Variants in PRDM2 observed in about 807,000 individuals in gnomAD.
PRDM2 encodes the protein PR domain zinc finger protein 2.
In PRDM2, 30 loss-of-function variants were observed where a neutral mutation model predicts 130.0. The ratio of observed to expected loss-of-function variants is 0.23; its 90% CI spans 0.17 to 0.31. The LOEUF is 0.31. Among genes scored for constraint, PRDM2 ranks in the 10% least tolerant of loss-of-function variants. The pLI is 1.00. For synonymous variants in PRDM2, 871 were observed against 782.4 expected, an observed-to-expected ratio of 1.11 and a Z score of -1.89; for missense variants, 2,011 against 2,108.4, an observed-to-expected ratio of 0.95 and a Z score of 0.90.
chr1:13,742,772 C>G (rs1344837775), intron 5 of PRDM2, among the ~76,000 whole-genome samples: 1 of 152,156 alleles, frequency 6.6e-6, no homozygotes, highest in Non-Finnish European at 1.5e-5. Flanking sequence ...GCAGATTTAT[C>G]CTACTGTAAG....
rs1406955906 is a variant in PRDM2, at chr1:13,806,982, C to T, written c.5037-9445C>T. Among the ~76,000 whole-genome samples the T allele has an allele frequency of 6.6e-6, 1 of 152,188 alleles. No homozygotes were observed. Among genetic ancestry groups the T allele is most frequent in the African/African-American group, 2.4e-5 (1 of 41,422 alleles). The stretch of plus-strand genomic sequence containing the variant: ...GGTCGTAGCCCACACACTGCCGTTT[C>T]CCATGTCACCTTTCCCTGTCTTCTC... On this transcript the variant is annotated intron_variant, in intron 8 of 9. Transcript: ENST00000311066. This position sits in a 1 kb window ranked among gnomAD's most constrained non-coding sequence, Gnocchi z 4.1.
chr1:13,805,524 G>A (rs1645073685), intron 8 of PRDM2, among the ~76,000 whole-genome samples: 1 of 151,984 alleles, frequency 6.6e-6, no homozygotes, highest in South Asian at 2.1e-4. Flanking sequence ...AGGGCCGATG[G>A]CTCCCACAGC....
chr1:13,722,245 G>C (rs1184302709), intron 2 of PRDM2, among the ~76,000 whole-genome samples: 1 of 152,148 alleles, frequency 6.6e-6, no homozygotes, highest in Admixed American at 6.5e-5. Flanking sequence ...AAAAGCCAGC[G>C]GTCGTTGCGA....
intron 6 of PRDM2, among the ~76,000 whole-genome samples, chr1:13,759,857 A>G (rs1644054220): frequency 6.6e-6 from 1 of 152,178 alleles, no homozygotes; most frequent in Non-Finnish European, 1.5e-5. Flanking sequence ...AAAAGTATCA[A>G]TAATAATAAT....
chr1:13,748,607 C>G (rs796731041), intron 5 of PRDM2, among the ~76,000 whole-genome samples: 32 of 152,302 alleles, frequency 2.1e-4, no homozygotes, highest in African/African-American at 7.7e-4. Context: ...GAACTTTGCA[C>G]TCAGTGGATC....
intron 2 of PRDM2, among the ~76,000 whole-genome samples, chr1:13,722,667 G>C (rs1288485592): frequency 6.6e-6 from 1 of 152,070 alleles, no homozygotes; most frequent in African/African-American, 2.4e-5. Context: ...TCCTTCTCCT[G>C]CTTACCAATC....
chr1:13,786,659 T>C lies in PRDM2; in HGVS notation c.5036+3828T>C, dbSNP rs571973606. On this transcript the variant is annotated intron_variant, in intron 8 of 9. Transcript: ENST00000311066. The stretch of plus-strand genomic sequence containing the variant: ...CCAGTTGAAGCTGACTCAAAAATCC[T>C]AACATTCAGCTGATTGCCGGCAGGC... 38 of 1,541,550 alleles carry C rather than the reference T, an allele frequency of 2.5e-5. No homozygotes were observed. The South Asian group carries it at 4.6e-4, about 19-fold the overall frequency.
At chr1:13,791,169 A>G (rs1644833100) in intron 8 of PRDM2, among the ~76,000 whole-genome samples, 1 of 151,978 alleles carries the variant, frequency 6.6e-6, no homozygotes, top group Admixed American at 6.6e-5. Flanking sequence ...AGGACGCAGT[A>G]CCTTCTCCAT....
chr1:13,718,470 C>T (rs953254338), intron 2 of PRDM2, among the ~76,000 whole-genome samples: 5 of 152,150 alleles, frequency 3.3e-5, no homozygotes, highest in African/African-American at 4.8e-5. Flanking sequence ...ACTATTGAGG[C>T]GGCATTCTGG....
intron 5 of PRDM2, among the ~76,000 whole-genome samples, chr1:13,748,332 G>T (rs1050436022): frequency 1.3e-5 from 2 of 152,140 alleles, no homozygotes; most frequent in Non-Finnish European, 2.9e-5. Flanking sequence ...TTACTGTGAT[G>T]ATTGCCAAAT....
rs1295117827 is a variant in PRDM2, at chr1:13,803,825, A to G, written c.5037-12602A>G. ...TGGGTATTTAGAGTTCAACCCAAAC[A>G]GGTTTGGGGAATTCATGGCCTCTGA... On this transcript the variant is annotated intron_variant, in intron 8 of 9. Transcript: ENST00000311066. The surrounding 1 kb of genome is among the most constrained non-coding windows in gnomAD (Gnocchi z 6.2). 1.3e-5 allele frequency among the ~76,000 whole-genome samples: 2 copies of G among 152,096 alleles called. No individual in the cohort carries two copies. Among genetic ancestry groups the G allele is most frequent in the African/African-American group, 4.8e-5 (2 of 41,420 alleles).
chr1:13,729,626 T>C (rs955768649), intron 2 of PRDM2, among the ~76,000 whole-genome samples: 1 of 152,232 alleles, frequency 6.6e-6, no homozygotes, highest in Non-Finnish European at 1.5e-5. Flanking sequence ...ATTCACACTT[T>C]AGCTAATTAA....
At chr1:13,706,780 A>T (rs540069201) in intron 1 of PRDM2, among the ~76,000 whole-genome samples, 1 of 151,572 alleles carries the variant, frequency 6.6e-6, no homozygotes, top group Non-Finnish European at 1.5e-5. Flanking sequence ...GGAAATATAC[A>T]TTTTTTTTCC....
chr1:13,743,440 A>G (rs952216892), intron 5 of PRDM2, among the ~76,000 whole-genome samples: 6 of 149,386 alleles, frequency 4.0e-5, no homozygotes, highest in Non-Finnish European at 8.9e-5. Flanking sequence ...AGATCCTCAC[A>G]TTATACATGG....
intron 7 of PRDM2, among the ~76,000 whole-genome samples, chr1:13,773,943 A>G (rs1282393805): frequency 6.6e-6 from 1 of 152,244 alleles, no homozygotes; most frequent in Non-Finnish European, 1.5e-5. Flanking sequence ...TGTACGTTTT[A>G]TACTTCAAAT....
chr1:13,751,331 A>G (rs1467661594), intron 6 of PRDM2, among the ~76,000 whole-genome samples: 1 of 152,144 alleles, frequency 6.6e-6, no homozygotes, highest in Non-Finnish European at 1.5e-5. Context: ...TAATTAATTA[A>G]AAGACTTATG....
At position 13,782,655 on chromosome 1, in the gene PRDM2, T is replaced by A. The variant is rs1251474265; in HGVS notation, c.4860T>A (p.Ala1620=). ...ACGTGAGGGTACAGAAAAGCAAAGC[T>A]GTTTTACAAAGCAAATCCACCTTGG... The part of the protein sequence containing the change: ...SLHVRVQKSK[A]VLQSKSTLAS... The change falls in exon 8 of 10, where the codon GCT becomes GCA. Residue 1620 remains alanine (A), a synonymous_variant. Transcript: ENST00000311066. 1 of 1,614,020 alleles carries A rather than the reference T, an allele frequency of 6.2e-7. No individual in the cohort carries two copies. The highest frequency in any genetic ancestry group is 1.3e-5 in the African/African-American group (1 of 74,924).
chr1:13,759,238 G>A (rs1204675617), intron 6 of PRDM2, among the ~76,000 whole-genome samples: 3 of 151,244 alleles, frequency 2.0e-5, no homozygotes, highest in Non-Finnish European at 2.9e-5. Flanking sequence ...CTACCTCTTG[G>A]GGCAGTCTTT....
chr1:13,817,545 C>T (rs988760937), intron 9 of PRDM2, among the ~76,000 whole-genome samples: 4 of 151,312 alleles, frequency 2.6e-5, no homozygotes, highest in Non-Finnish European at 1.5e-5. Context: ...GTCCCCAAGG[C>T]CAGCATCTCA....
Sources: allele counts gnomAD v4.1 joint callset (sites outside exome capture counted in the v4.1 genomes callset), GRCh38; gene constraint gnomAD v4.1.1; non-coding constraint Gnocchi (gnomAD v3.1); transcripts MANE v1.5; gene names NCBI Gene and HGNC (gene_info 2026-07-23, HGNC 2026-07-21).